Variants in UQCC1 observed in about 807,000 individuals in gnomAD.
UQCC1 encodes the protein ubiquinol-cytochrome c reductase complex assembly factor 1.
A neutral mutation model predicts 48.0 loss-of-function variants in UQCC1; 38 were observed. That is an observed-to-expected ratio of 0.79 (90% confidence interval 0.61 to 1.04). UQCC1 has a LOEUF of 1.04. Among genes scored for constraint, UQCC1 ranks in the 50% least tolerant of loss-of-function variants. UQCC1 has a pLI of 0.00. For missense variants in UQCC1, 368 were observed against 381.8 expected (o/e 0.96, Z 0.30); for synonymous variants, 111 against 129.2 (o/e 0.86, Z 0.95).
intron 7 of UQCC1, among the ~76,000 whole-genome samples, chr20:35,319,654 A>G (rs566677148): frequency 2.6e-5 from 4 of 152,194 alleles, no homozygotes; most frequent in African/African-American, 9.6e-5. Flanking sequence ...GGAATGCAAA[A>G]AAAAGGAAGG....
At chr20:35,348,976 T>C (rs1390438465) in intron 6 of UQCC1, among the ~76,000 whole-genome samples, 2 of 152,210 alleles carry the variant, frequency 1.3e-5, no homozygotes, top group Non-Finnish European at 2.9e-5. Flanking sequence ...TTATTGTTTC[T>C]CATTAAATAG....
In UQCC1 at chr20:35,303,907, T is replaced by TGGCGGGCC; in HGVS notation, c.*20_*27dup. On this transcript the variant is annotated 3_prime_UTR_variant, in exon 10 of 10. Transcript: ENST00000374385. Reference sequence around the variant, plus strand: ...CTCCTGGAGGTTCCTCGAAGCCAGCTGGCGGGCCGTGCGGAGGGCCCAGCC... The same window carrying TGGCGGGCC: ...CTCCTGGAGGTTCCTCGAAGCCAGCTGGCGGGCCGGCGGGCCGTGCGGAGGGCCCAGCC... 1 of 1,614,074 alleles carries TGGCGGGCC rather than the reference T, an allele frequency of 6.2e-7. No individual in the cohort carries two copies.
chr20:35,318,583 T>C (rs1309276102), intron 7 of UQCC1, among the ~76,000 whole-genome samples: 1 of 152,234 alleles, frequency 6.6e-6, no homozygotes, highest in Non-Finnish European at 1.5e-5. Context: ...CAGTGACCTG[T>C]AAGCTGCCTC....
At chr20:35,332,771 C>T (rs1165634626) in intron 7 of UQCC1, among the ~76,000 whole-genome samples, 1 of 152,164 alleles carries the variant, frequency 6.6e-6, no homozygotes, top group African/African-American at 2.4e-5. Flanking sequence ...AAGACAGATG[C>T]GAGAAAGAGA....
At chr20:35,384,596 C>A in intron 2 of UQCC1, 1 of 445,956 alleles carries the variant, frequency 2.2e-6, no homozygotes. Context: ...GAGCTATCAT[C>A]ACACCACTGC....
intron 6 of UQCC1, among the ~76,000 whole-genome samples, chr20:35,362,161 T>C (rs1174590598): frequency 6.6e-6 from 1 of 152,168 alleles, no homozygotes; most frequent in Non-Finnish European, 1.5e-5. Flanking sequence ...ATTTGTCAAG[T>C]GGAGAGGCGG....
chr20:35,411,789 T>G, intron 1 of UQCC1, 151 bp downstream of exon 1: 1 of 1,015,334 alleles, frequency 9.8e-7, no homozygotes, highest in Admixed American at 1.8e-5. Flanking sequence ...GGTCGGAAGC[T>G]GCCTCAGTTT....
intron 1 of UQCC1, among the ~76,000 whole-genome samples, chr20:35,396,125 C>T (rs1016171827): frequency 6.6e-6 from 1 of 151,168 alleles, no homozygotes; most frequent in Non-Finnish European, 1.5e-5. Context: ...GCTGGGACTA[C>T]AGGCATGAGC....
intron 5 of UQCC1, among the ~76,000 whole-genome samples, chr20:35,373,247 A>G (rs928289120): frequency 2.0e-5 from 3 of 152,252 alleles, no homozygotes; most frequent in African/African-American, 4.8e-5. Context: ...AGATATACAT[A>G]ATAAAATTAT....
chr20:35,385,511 T>C (rs2061930897), intron 2 of UQCC1, among the ~76,000 whole-genome samples: 1 of 152,152 alleles, frequency 6.6e-6, no homozygotes, highest in South Asian at 2.1e-4. Flanking sequence ...TGTTTTGTTT[T>C]TGTTTTTTGA....
chr20:35,386,675 G>A (rs1481164251), intron 2 of UQCC1, among the ~76,000 whole-genome samples: 1 of 152,068 alleles, frequency 6.6e-6, no homozygotes, highest in Non-Finnish European at 1.5e-5. Context: ...CTTTGGGCTG[G>A]GTCCTCTTCT....
intron 2 of UQCC1, among the ~76,000 whole-genome samples, chr20:35,393,365 C>CT (rs970666932): frequency 6.6e-6 from 1 of 151,852 alleles, no homozygotes; most frequent in African/African-American, 2.4e-5. Flanking sequence ...ATTACAAAGT[C>CT]TATCAAAACA....
rs779172313 is a variant in UQCC1, at chr20:35,384,029, A to C, written c.225+9T>G. 6 of 1,609,026 alleles carry C rather than the reference A, an allele frequency of 3.7e-6. No homozygotes were observed. The highest frequency in any genetic ancestry group is 5.1e-6 in the Non-Finnish European group (6 of 1,175,858). On this transcript the variant is annotated intron_variant, in intron 3 of 9. Coordinates refer to ENST00000374385, the MANE Select transcript of UQCC1 (RefSeq NM_018244.5). ...CTCTATAAACACAGAATGCACTGAT[A>C]ATTCTCACCTTACGTGTGGTGTGAT... is the stretch of plus-strand genomic sequence containing the variant.
chr20:35,411,800 C>T (rs912138612), intron 1 of UQCC1, 140 bp downstream of exon 1: 13 of 1,145,004 alleles, frequency 1.1e-5, no homozygotes, highest in South Asian at 6.4e-5. Flanking sequence ...GCCTCAGTTT[C>T]CCCACGGAAA....
intron 7 of UQCC1, among the ~76,000 whole-genome samples, chr20:35,329,411 G>A (rs1235789186): frequency 1.3e-5 from 2 of 152,140 alleles, no homozygotes; most frequent in Admixed American, 1.3e-4. Context: ...AACCAGGCAC[G>A]TCACATTGAT....
intron 3 of UQCC1, 29 bp downstream of exon 3, chr20:35,384,009 T>TAA (rs2061907640): frequency 6.9e-6 from 11 of 1,596,746 alleles, no homozygotes; most frequent in Non-Finnish European, 9.4e-6. Flanking sequence ...AAGCACTCTA[T>TAA]AAACACAGAA....
At chr20:35,380,456 G>A (rs6120925) in intron 4 of UQCC1, among the ~76,000 whole-genome samples, 1 of 152,140 alleles carries the variant, frequency 6.6e-6, no homozygotes, top group South Asian at 2.1e-4. Context: ...TCAGAATTCA[G>A]GTAAAAGAGT....
At chr20:35,322,315 G>C (rs1284397076) in intron 7 of UQCC1, among the ~76,000 whole-genome samples, 1 of 151,932 alleles carries the variant, frequency 6.6e-6, no homozygotes, top group African/African-American at 2.4e-5. Context: ...ATTACACAAT[G>C]CATTTAATAA....
chr20:35,390,254 G>A lies in UQCC1; in HGVS notation c.129+3838C>T, dbSNP rs1299172956. The stretch of plus-strand genomic sequence containing the variant: ...AGCCTGGCCAACACAGTGAAACCCC[G>A]TCTCTACTAAAAATACAAAAATTAG... On this transcript the variant is annotated intron_variant, in intron 2 of 9. Coordinates refer to ENST00000374385, the MANE Select transcript of UQCC1 (RefSeq NM_018244.5). 5.9e-5 allele frequency among the ~76,000 whole-genome samples: 9 copies of A among 151,806 alleles called. No homozygotes were observed. In the South Asian group the frequency reaches 1.7e-3, roughly 28 times the overall value.
Sources: gnomAD v4.1 joint callset for allele counts (sites outside exome capture counted in the v4.1 genomes callset) on GRCh38, gnomAD v4.1.1 for gene constraint, MANE v1.5 for transcripts, NCBI Gene and HGNC (gene_info 2026-07-23, HGNC 2026-07-21) for gene names.